The following DPP6 variants were observed in gnomAD, a reference collection of about 807,000 sequenced individuals.
DPP6 encodes dipeptidyl peptidase like 6.
In DPP6, 69 loss-of-function variants were observed where a neutral mutation model predicts 122.6. The observed-to-expected ratio is 0.56, with a 90% CI of 0.46 to 0.69. The LOEUF is 0.69. Among genes scored for constraint, DPP6 ranks in the 30% least tolerant of loss-of-function variants. The probability of loss-of-function intolerance (pLI) is 0.00; values close to 1 mark genes in which losing one functional copy is unlikely to be tolerated. For synonymous variants in DPP6, 418 were observed against 433.1 expected (o/e 0.97, Z 0.43); for missense variants, 928 against 1,116.9 (o/e 0.83, Z 2.41).
At chr7:153,934,708 A>T (rs1374856962) in intron 1 of DPP6, among the ~76,000 whole-genome samples, 1 of 152,188 alleles carries the variant, frequency 6.6e-6, no homozygotes, top group Non-Finnish European at 1.5e-5. Context: ...GAGAGTTTCT[A>T]GGACCACAGA....
At chr7:154,337,506 A>T (rs1381886148) in intron 1 of DPP6, among the ~76,000 whole-genome samples, 1 of 152,204 alleles carries the variant, frequency 6.6e-6, no homozygotes, top group Non-Finnish European at 1.5e-5. Context: ...CACACAGTAG[A>T]TACATCCCTA....
chr7:154,669,973 C>T (rs1838453603), intron 7 of DPP6, among the ~76,000 whole-genome samples: 1 of 152,156 alleles, frequency 6.6e-6, no homozygotes, highest in East Asian at 1.9e-4. Flanking sequence ...GATTCTCCTG[C>T]CTCAGCCTCC....
chr7:154,543,341 G>A (rs1056177180), intron 4 of DPP6, among the ~76,000 whole-genome samples: 1 of 152,042 alleles, frequency 6.6e-6, no homozygotes, highest in Non-Finnish European at 1.5e-5. Flanking sequence ...TCTCTTTCCC[G>A]AGCCAATAAA....
intron 1 of DPP6, among the ~76,000 whole-genome samples, chr7:153,932,123 C>CTTT (rs11342253): frequency 0.27 from 36,983 of 135,194 alleles, 5,838 homozygotes; most frequent in East Asian, 0.57. Context: ...CATTTTGTGC[C>CTTT]TTTTTTTTTT....
rs532216781 is a variant in DPP6, at chr7:154,654,520, G to C, written c.681-14840G>C. Among the ~76,000 whole-genome samples, 4 of 151,718 alleles carry C rather than the reference G, an allele frequency of 2.6e-5. No homozygotes were observed. The South Asian group carries it at 8.4e-4, about 32-fold the overall frequency. ...TGCAACCTCTGCCTCCCAGGTTCAGGCGATTCTCCTGCCTCAGCCTCCTGA... is the reference window on the plus strand; with the variant it reads ...TGCAACCTCTGCCTCCCAGGTTCAGCCGATTCTCCTGCCTCAGCCTCCTGA... On this transcript the variant is annotated intron_variant, in intron 6 of 25. Coordinates refer to ENST00000377770, the MANE Select transcript of DPP6 (RefSeq NM_130797.4).
chr7:153,854,938 G>T, the DPP6 span, among the ~76,000 whole-genome samples: 1 of 145,120 alleles, frequency 6.9e-6, no homozygotes, highest in Middle Eastern at 3.3e-3. Flanking sequence ...GTCCTTTGTA[G>T]GGACATGGAT....
chr7:154,191,617 TTGAA>T (rs1227711484), intron 1 of DPP6, among the ~76,000 whole-genome samples: 2 of 152,044 alleles, frequency 1.3e-5, no homozygotes, highest in Non-Finnish European at 2.9e-5. Context: ...AGAAGATTGA[TTGAA>T]TGAATGAATG....
chr7:153,811,173 C>A, the DPP6 span, among the ~76,000 whole-genome samples: 5 of 152,182 alleles, frequency 3.3e-5, no homozygotes, highest in African/African-American at 1.2e-4. Flanking sequence ...GCTGTGGAGA[C>A]CAGCTCACCC....
chr7:154,253,354 G>A (rs762813707), intron 1 of DPP6, among the ~76,000 whole-genome samples: 16 of 152,288 alleles, frequency 1.1e-4, no homozygotes, highest in Admixed American at 2.6e-4. Flanking sequence ...TACAGGTGTG[G>A]GGGGTGAGGG....
At chr7:153,923,170 A>T (rs1800722045) in intron 1 of DPP6, among the ~76,000 whole-genome samples, 1 of 152,184 alleles carries the variant, frequency 6.6e-6, no homozygotes, top group Non-Finnish European at 1.5e-5. Context: ...ATTTGAGATT[A>T]AGCAGGCACT....
intron 1 of DPP6, among the ~76,000 whole-genome samples, chr7:154,097,006 C>T (rs113981349): frequency 1.3e-5 from 2 of 151,240 alleles, no homozygotes; most frequent in Non-Finnish European, 1.5e-5. Context: ...CCGTGTGCTC[C>T]CCTTGTAGGT....
chr7:154,362,841 G>A (rs1416421586), intron 1 of DPP6, among the ~76,000 whole-genome samples: 1 of 152,176 alleles, frequency 6.6e-6, no homozygotes, highest in Non-Finnish European at 1.5e-5. Flanking sequence ...CTGGAGGCCT[G>A]GCTGCTCCGA....
chr7:153,860,683 T>C, the DPP6 span, among the ~76,000 whole-genome samples: 2 of 152,092 alleles, frequency 1.3e-5, no homozygotes, highest in Non-Finnish European at 2.9e-5. Flanking sequence ...TGTATTAAAC[T>C]TTCCTTCACT....
chr7:154,501,522 C>T (rs957838116), intron 3 of DPP6, among the ~76,000 whole-genome samples: 4 of 152,156 alleles, frequency 2.6e-5, no homozygotes, highest in African/African-American at 9.7e-5. Flanking sequence ...TGAAATGGCC[C>T]AAGTTAGAGT....
chr7:154,026,549 A>C (rs949289225), intron 1 of DPP6: 1 of 152,172 alleles, frequency 6.6e-6, no homozygotes, highest in African/African-American at 2.4e-5. Flanking sequence ...TGATGAGGTC[A>C]TGGACATTAA....
chr7:154,868,228 C>A (rs1804064852), intron 18 of DPP6, 135 bp downstream of exon 18: 3 of 1,219,334 alleles, frequency 2.5e-6, no homozygotes, highest in Non-Finnish European at 3.3e-6. Flanking sequence ...CCCCTCAGCT[C>A]CTCTGGCATG....
At chr7:153,791,734 A>G in the DPP6 span, among the ~76,000 whole-genome samples, 1 of 152,160 alleles carries the variant, frequency 6.6e-6, no homozygotes, top group Admixed American at 6.5e-5. Context: ...ACTCATTTTC[A>G]ATGCTATATA....
At chr7:154,594,456 G>T (rs1832973233) in intron 5 of DPP6, among the ~76,000 whole-genome samples, 1 of 152,078 alleles carries the variant, frequency 6.6e-6, no homozygotes, top group South Asian at 2.1e-4. Context: ...AATCAATGAT[G>T]AATAAAAGGA....
the DPP6 span, among the ~76,000 whole-genome samples, chr7:153,778,453 C>T: frequency 6.6e-6 from 1 of 151,652 alleles, no homozygotes; most frequent in Non-Finnish European, 1.5e-5. Context: ...CACCCCACAA[C>T]AATGAATGTA....
Sources: allele counts gnomAD v4.1 joint callset (sites outside exome capture counted in the v4.1 genomes callset), GRCh38; gene constraint gnomAD v4.1.1; transcripts MANE v1.5; gene names NCBI Gene and HGNC (gene_info 2026-07-23, HGNC 2026-07-21).